Variants in EPC2 observed in about 807,000 individuals in gnomAD.
EPC2 encodes enhancer of polycomb 2.
EPC2 carries 14 observed loss-of-function variants against 92.1 expected under a neutral mutation model. That is an observed-to-expected ratio of 0.15 (90% CI 0.10 to 0.24). The LOEUF is 0.24. Among genes scored for constraint, EPC2 ranks in the 10% least tolerant of loss-of-function variants. The pLI is 1.00. For synonymous variants in EPC2, 340 were observed against 334.7 expected (o/e 1.02, Z -0.17); for missense variants, 755 against 971.5 (o/e 0.78, Z 2.96).
chr2:148,743,374 T>A (rs1682918415), intron 2 of EPC2, among the ~76,000 whole-genome samples: 1 of 152,230 alleles, frequency 6.6e-6, no homozygotes. Flanking sequence ...TGCTATTTTA[T>A]ATTCTGTTAT....
intron 1 of EPC2, among the ~76,000 whole-genome samples, chr2:148,686,676 G>C (rs1458627990): frequency 1.3e-5 from 2 of 152,296 alleles, no homozygotes; most frequent in African/African-American, 4.8e-5. Flanking sequence ...TGTTGTCTTA[G>C]CAGGCATGAA....
chr2:148,697,512 C>T (rs1169675018), intron 2 of EPC2, among the ~76,000 whole-genome samples: 1 of 152,120 alleles, frequency 6.6e-6, no homozygotes, highest in Non-Finnish European at 1.5e-5. Flanking sequence ...GAGAGTAATA[C>T]AAGCACACAC....
chr2:148,782,261 G>A (rs563155830), intron 11 of EPC2, among the ~76,000 whole-genome samples: 101 of 152,236 alleles, frequency 6.6e-4, no homozygotes, highest in African/African-American at 2.3e-3. Flanking sequence ...TTGCAACCAG[G>A]CACGGTGGCT....
intron 1 of EPC2, among the ~76,000 whole-genome samples, chr2:148,676,832 T>A (rs965125817): frequency 2.0e-5 from 3 of 147,148 alleles, no homozygotes; most frequent in Non-Finnish European, 4.5e-5. Context: ...AACAGTGCCA[T>A]GATGACCATT....
At chr2:148,679,840 G>A (rs1485896160) in intron 1 of EPC2, among the ~76,000 whole-genome samples, 1 of 152,078 alleles carries the variant, frequency 6.6e-6, no homozygotes, top group Admixed American at 6.6e-5. Context: ...GAGAATCATA[G>A]TCTCACCATG....
In EPC2 at chr2:148,784,909, A is replaced by G. The variant is rs773592260; in HGVS notation, c.2259A>G (p.Pro753=). 12 of 1,592,932 alleles carry G rather than the reference A, an allele frequency of 7.5e-6. No homozygotes were observed. The highest frequency in any genetic ancestry group is 3.4e-5 in the Admixed American group (2 of 58,582). Reference sequence around the variant, plus strand: ...ATATCAATACACGGACTTCAGCACCATCGCCAACAGCCTTAAAACTTGCCA... The same window carrying G: ...ATATCAATACACGGACTTCAGCACCGTCGCCAACAGCCTTAAAACTTGCCA... ...NVHINTRTSA[P]SPTALKLATV... The change falls in exon 13 of 14, where the codon CCA becomes CCG. Residue 753 remains proline, a synonymous_variant. Transcript: ENST00000258484.
intron 1 of EPC2, among the ~76,000 whole-genome samples, chr2:148,667,256 G>A (rs531486769): frequency 1.9e-4 from 29 of 152,250 alleles, no homozygotes; most frequent in African/African-American, 7.0e-4. Context: ...AAGACCTCAG[G>A]GTCACATAGC....
chr2:148,744,389 A>G (rs1267293930), intron 3 of EPC2, among the ~76,000 whole-genome samples: 1 of 152,122 alleles, frequency 6.6e-6, no homozygotes, highest in East Asian at 1.9e-4. Flanking sequence ...ATTTTTGAGC[A>G]AGAATGTTCA....
At chr2:148,769,446 T>G (rs1371835539) in intron 8 of EPC2, among the ~76,000 whole-genome samples, 2 of 152,168 alleles carry the variant, frequency 1.3e-5, no homozygotes, top group Non-Finnish European at 2.9e-5. Flanking sequence ...AATTGATAAT[T>G]CCTCACATTT....
At chr2:148,703,865 T>C (rs1021698349) in intron 2 of EPC2, among the ~76,000 whole-genome samples, 1 of 152,156 alleles carries the variant, frequency 6.6e-6, no homozygotes, top group Admixed American at 6.6e-5. Context: ...TTATACCACC[T>C]CATACCCTTT....
chr2:148,657,420 C>T (rs529608755), intron 1 of EPC2, among the ~76,000 whole-genome samples: 1 of 152,196 alleles, frequency 6.6e-6, no homozygotes, highest in African/African-American at 2.4e-5. Context: ...GTCAGTGATT[C>T]TCAAGCTTTA....
intron 1 of EPC2, among the ~76,000 whole-genome samples, chr2:148,687,586 T>A (rs1681552835): frequency 6.6e-6 from 1 of 152,222 alleles, no homozygotes; most frequent in Non-Finnish European, 1.5e-5. Flanking sequence ...CTTTCTTGAT[T>A]TAACTTATTC....
At chr2:148,770,419 AATAT>A (rs138616564) in intron 8 of EPC2, among the ~76,000 whole-genome samples, 3,820 of 152,238 alleles carry the variant, frequency 0.025, 53 homozygotes, top group East Asian at 0.032. Flanking sequence ...TAGTCCAAAA[AATAT>A]TCTTTCTGGT....
At chr2:148,666,024 G>T (rs903476358) in intron 1 of EPC2, among the ~76,000 whole-genome samples, 4 of 152,228 alleles carry the variant, frequency 2.6e-5, no homozygotes, top group African/African-American at 9.6e-5. Context: ...TGAAACTTAT[G>T]TAATGTTTCT....
intron 3 of EPC2, among the ~76,000 whole-genome samples, chr2:148,747,382 T>C (rs1359157756): frequency 1.3e-5 from 2 of 152,082 alleles, no homozygotes; most frequent in Admixed American, 6.6e-5. Context: ...TCCTCGAATA[T>C]TTTATTTTCA....
intron 1 of EPC2, chr2:148,645,429 A>G (rs879612291): frequency 2.4e-6 from 1 of 411,816 alleles, no homozygotes; most frequent in Non-Finnish European, 4.4e-6. Context: ...CCTTGCCGTA[A>G]GCGGCGGCCG....
intron 1 of EPC2, among the ~76,000 whole-genome samples, chr2:148,646,544 C>T (rs866218730): frequency 6.6e-6 from 1 of 151,128 alleles, no homozygotes; most frequent in Admixed American, 6.6e-5. Flanking sequence ...TAATCAAAAC[C>T]CAGCATTTAT....
intron 1 of EPC2, among the ~76,000 whole-genome samples, chr2:148,681,228 GGT>G (rs1574578755): frequency 6.6e-6 from 1 of 152,194 alleles, no homozygotes; most frequent in Non-Finnish European, 1.5e-5. Flanking sequence ...ATGCTGGAAA[GGT>G]GTGTGTTTCC....
In EPC2 at chr2:148,747,325, A is replaced by C. The variant is rs181386626; in HGVS notation, c.459+3558A>C. 5.3e-5 allele frequency among the ~76,000 whole-genome samples: 8 copies of C among 152,160 alleles called. No individual in the cohort carries two copies. In the East Asian group the frequency reaches 1.5e-3, roughly 29 times the overall value. ...CCATACTACCTTTTACTCCTGTAGAAGCATAATCCTAAACCCTTCCTAACT... is the reference window on the plus strand; with the variant it reads ...CCATACTACCTTTTACTCCTGTAGACGCATAATCCTAAACCCTTCCTAACT... On this transcript the variant is annotated intron_variant, in intron 3 of 13. Transcript: ENST00000258484.
Sources: allele counts gnomAD v4.1 joint callset (sites outside exome capture counted in the v4.1 genomes callset), GRCh38; gene constraint gnomAD v4.1.1; transcripts MANE v1.5; gene names NCBI Gene and HGNC (gene_info 2026-07-23, HGNC 2026-07-21).